Variants in PRKN observed in about 807,000 individuals in gnomAD.
The protein encoded by PRKN is E3 ubiquitin-protein ligase parkin.
A neutral mutation model predicts 59.5 loss-of-function variants in PRKN; 56 were observed. The observed-to-expected ratio is 0.94, with a 90% CI of 0.76 to 1.18. PRKN has a LOEUF of 1.18. Ranked by LOEUF, PRKN falls within the 50% of genes most tolerant of loss-of-function variation. The pLI is 0.00. For missense variants in PRKN, 657 were observed against 596.4 expected (o/e 1.10, Z -1.06); for synonymous variants, 250 against 222.1 (o/e 1.13, Z -1.12).
chr6:162,141,742 T>TAGGGG (rs898112878), intron 4 of PRKN, among the ~76,000 whole-genome samples: 1 of 152,100 alleles, frequency 6.6e-6, no homozygotes, highest in African/African-American at 2.4e-5. Flanking sequence ...TGTTGGGAAG[T>TAGGGG]AGGGGGAGCA....
At chr6:162,685,652 A>G (rs1042429565) in intron 1 of PRKN, among the ~76,000 whole-genome samples, 7 of 152,162 alleles carry the variant, frequency 4.6e-5, no homozygotes, top group African/African-American at 1.7e-4. Context: ...TCCACTTACT[A>G]AAAGTTAAAT....
chr6:161,820,621 A>G (rs893967628), intron 6 of PRKN, among the ~76,000 whole-genome samples: 7 of 148,010 alleles, frequency 4.7e-5, no homozygotes, highest in African/African-American at 1.7e-4. Flanking sequence ...TATACAGTAT[A>G]CAATATGCAA....
chr6:161,595,605 C>T (rs748661620), intron 7 of PRKN, among the ~76,000 whole-genome samples: 26 of 151,862 alleles, frequency 1.7e-4, no homozygotes, highest in Non-Finnish European at 3.2e-4. Context: ...AAGGCCAAGA[C>T]GGAAGCTGAC....
Position 161,554,047 on chromosome 6 carries a change from C to G in PRKN, c.934-5044G>C, listed in dbSNP as rs1205622279. Among the ~76,000 whole-genome samples, 2 of 152,166 alleles carry G rather than the reference C, an allele frequency of 1.3e-5. No homozygotes were observed. The highest frequency in any genetic ancestry group is 4.8e-5 in the African/African-American group (2 of 41,426). On this transcript the variant is annotated intron_variant, in intron 8 of 11. Coordinates refer to ENST00000366898, the MANE Select transcript of PRKN (RefSeq NM_004562.3). The surrounding 1 kb of genome is among the most constrained non-coding windows in gnomAD (Gnocchi z 4.5). The stretch of plus-strand genomic sequence containing the variant: ...CCTAAGTTAGTCATTGTTTCTAAGT[C>G]CTCTCAGTTCTCACTTTGAAGGACA...
At chr6:162,502,447 C>T (rs1013928223) in intron 1 of PRKN, among the ~76,000 whole-genome samples, 1 of 152,154 alleles carries the variant, frequency 6.6e-6, no homozygotes, top group African/African-American at 2.4e-5. Flanking sequence ...TGTGAGCCAC[C>T]TTGCCTGGCT....
At chr6:161,979,417 T>C (rs1159248546) in intron 5 of PRKN, among the ~76,000 whole-genome samples, 1 of 152,048 alleles carries the variant, frequency 6.6e-6, no homozygotes, top group African/African-American at 2.4e-5. Context: ...GGATCATAGG[T>C]GTGTGCCACC....
At chr6:161,789,392 C>T (rs1273512766) in intron 6 of PRKN, among the ~76,000 whole-genome samples, 1 of 152,166 alleles carries the variant, frequency 6.6e-6, no homozygotes, top group Non-Finnish European at 1.5e-5. Context: ...GTTCTCTCCG[C>T]ACCTCCGTCC....
At chr6:162,547,127 C>G (rs1223455387) in intron 1 of PRKN, among the ~76,000 whole-genome samples, 4 of 152,172 alleles carry the variant, frequency 2.6e-5, no homozygotes, top group Non-Finnish European at 5.9e-5. Flanking sequence ...CAGATCCAGT[C>G]AGGAACTTTC....
At chr6:162,448,557 T>C (rs184746398) in intron 1 of PRKN, among the ~76,000 whole-genome samples, 453 of 152,214 alleles carry the variant, frequency 3.0e-3, no homozygotes, top group African/African-American at 0.01. Flanking sequence ...TCATCCTTTC[T>C]TCTCTTGGCA....
intron 6 of PRKN, among the ~76,000 whole-genome samples, chr6:161,932,513 A>T (rs1232304409): frequency 6.6e-6 from 1 of 152,246 alleles, no homozygotes; most frequent in African/African-American, 2.4e-5. Context: ...AACATTAACT[A>T]CTAAGCATAA....
chr6:162,225,224 C>T (rs1337303767), intron 3 of PRKN, among the ~76,000 whole-genome samples: 1 of 152,108 alleles, frequency 6.6e-6, no homozygotes, highest in Admixed American at 6.5e-5. Flanking sequence ...TACAGTCCCT[C>T]AAAAGTAAGA....
intron 2 of PRKN, among the ~76,000 whole-genome samples, chr6:162,287,090 C>G (rs989719068): frequency 1.3e-5 from 2 of 152,252 alleles, no homozygotes; most frequent in African/African-American, 4.8e-5. Flanking sequence ...CAAAGGCTGT[C>G]CCATCTAATG....
intron 7 of PRKN, among the ~76,000 whole-genome samples, chr6:161,648,524 T>C (rs1274363923): frequency 6.6e-6 from 1 of 152,168 alleles, no homozygotes; most frequent in South Asian, 2.1e-4. Flanking sequence ...TAGTTCTTAA[T>C]TGCCAATGTG....
At chr6:162,137,578 G>A (rs894227330) in intron 4 of PRKN, among the ~76,000 whole-genome samples, 1 of 152,160 alleles carries the variant, frequency 6.6e-6, no homozygotes, top group Non-Finnish European at 1.5e-5. Flanking sequence ...GAAATGTATT[G>A]GCTCACAGCT....
intron 1 of PRKN, among the ~76,000 whole-genome samples, chr6:162,663,461 G>A (rs1778972261): frequency 2.6e-5 from 4 of 151,916 alleles, no homozygotes; most frequent in African/African-American, 9.7e-5. Flanking sequence ...AGACATCACT[G>A]TAAAGTTTAG....
chr6:161,899,995 A>G (rs1396332800), intron 6 of PRKN, among the ~76,000 whole-genome samples: 2 of 151,996 alleles, frequency 1.3e-5, no homozygotes, highest in African/African-American at 2.4e-5. Flanking sequence ...CTGTAATCCC[A>G]GCTACTCGGG....
chr6:162,140,581 T>G (rs2128310706), intron 4 of PRKN, among the ~76,000 whole-genome samples: 2 of 152,284 alleles, frequency 1.3e-5, no homozygotes, highest in African/African-American at 4.8e-5. Flanking sequence ...AATGGTGTTA[T>G]TTTCGTTGGT....
intron 7 of PRKN, among the ~76,000 whole-genome samples, chr6:161,616,360 T>C (rs928947585): frequency 2.6e-5 from 4 of 152,006 alleles, no homozygotes; most frequent in Non-Finnish European, 1.5e-5. Flanking sequence ...AATTAGTGTG[T>C]AAAAATAAAA....
At chr6:161,672,439 C>T (rs1031884869) in intron 7 of PRKN, among the ~76,000 whole-genome samples, 1 of 152,070 alleles carries the variant, frequency 6.6e-6, no homozygotes, top group Non-Finnish European at 1.5e-5. Flanking sequence ...ATATGGTATT[C>T]TAATATTAAT....
Sources: gnomAD v4.1 joint callset for allele counts (sites outside exome capture counted in the v4.1 genomes callset) on GRCh38, gnomAD v4.1.1 for gene constraint, Gnocchi (gnomAD v3.1) non-coding constraint, MANE v1.5 for transcripts, NCBI Gene and HGNC (gene_info 2026-07-23, HGNC 2026-07-21) for gene names.